DSCAM: variants seen among roughly 807,000 people sequenced by gnomAD.
DSCAM encodes the protein DS cell adhesion molecule, also known as cell adhesion molecule DSCAM.
DSCAM carries 47 observed loss-of-function variants against 217.7 expected under a neutral mutation model. That is an observed-to-expected ratio of 0.22 (90% CI 0.17 to 0.28). The LOEUF (loss-of-function observed/expected upper bound fraction) is 0.28, where lower values mean the gene tolerates loss of function less well. Ranked by LOEUF, DSCAM falls within the 10% of genes least tolerant of loss-of-function variation. The pLI, the probability that DSCAM is intolerant of heterozygous loss-of-function variation, is 1.00. For synonymous variants in DSCAM, 1,056 were observed against 1,015.3 expected (o/e 1.04, Z -0.76); for missense variants, 2,080 against 2,618.3 (o/e 0.79, Z 4.49).
At chr21:40,543,127 T>A (rs558154684) in intron 3 of DSCAM, among the ~76,000 whole-genome samples, 18 of 152,362 alleles carry the variant, frequency 1.2e-4, no homozygotes, top group African/African-American at 4.1e-4. Flanking sequence ...AAAATATGTT[T>A]AAGTATTTAA....
intron 3 of DSCAM, among the ~76,000 whole-genome samples, chr21:40,582,876 C>A (rs926350886): frequency 6.6e-6 from 1 of 152,122 alleles, no homozygotes; most frequent in African/African-American, 2.4e-5. Flanking sequence ...CTAGTGGGAA[C>A]TGTCCTTTGG....
At chr21:40,276,371 C>A in intron 10 of DSCAM, 101 bp from the exon 11 acceptor site, 1 of 1,081,098 alleles carries the variant, frequency 9.2e-7, no homozygotes. Context: ...ATGCTTCACA[C>A]TGATCCCATA....
chr21:40,297,969 G>A (rs2073973519), intron 9 of DSCAM, among the ~76,000 whole-genome samples: 1 of 152,072 alleles, frequency 6.6e-6, no homozygotes, highest in Admixed American at 6.5e-5. Context: ...CTCATTTTAA[G>A]GATTGTTAAG....
chr21:40,119,017 C>G (rs2090003902), intron 20 of DSCAM, among the ~76,000 whole-genome samples: 1 of 152,144 alleles, frequency 6.6e-6, no homozygotes, highest in Non-Finnish European at 1.5e-5. Context: ...AGATTTCTTT[C>G]TCTTTGTCAT....
chr21:40,820,392 TAAGTGG>T (rs1271784949), intron 1 of DSCAM, among the ~76,000 whole-genome samples: 2 of 152,090 alleles, frequency 1.3e-5, no homozygotes, highest in Non-Finnish European at 2.9e-5. Flanking sequence ...TTCTCACTCG[TAAGTGG>T]AAGTTGAACA....
At chr21:40,305,373 G>A (rs1241415189) in intron 9 of DSCAM, among the ~76,000 whole-genome samples, 9 of 132,226 alleles carry the variant, frequency 6.8e-5, no homozygotes, top group Admixed American at 8.1e-5. Context: ...CTGGGTGACA[G>A]AGCAAGATCC....
At position 40,144,635 on chromosome 21, in the gene DSCAM, T is replaced by A. The variant is rs2146718913; in HGVS notation, c.3115A>T (p.Ser1039Cys). 2 of 1,614,078 alleles carry A rather than the reference T, an allele frequency of 1.2e-6. No individual in the cohort carries two copies. The highest frequency in any genetic ancestry group is 1.7e-6 in the Non-Finnish European group (2 of 1,180,030). The stretch of plus-strand genomic sequence containing the variant: ...TCACTGTCCCCGCTGGTGTCGACAC[T>A]GATAATGTTGAATTGGAAGTTACCC... ...TGGNFQFNII[S>C]VDTSGDSEVY... Residue 1039 changes from serine (S) to cysteine (C), a missense_variant, in exon 17 of 33, where the codon AGT becomes TGT. Ser to Cys is a moderately radical substitution (Grantham distance 112). Transcript: ENST00000400454. The surrounding 1 kb of genome is among the most constrained non-coding windows in gnomAD (Gnocchi z 4.8).
intron 11 of DSCAM, among the ~76,000 whole-genome samples, chr21:40,235,771 GA>G (rs926753778): frequency 3.8e-3 from 524 of 138,066 alleles, no homozygotes; most frequent in African/African-American, 0.011. Flanking sequence ...TTCCTTTTCA[GA>G]AAAAAAAAAA....
At chr21:40,060,392 T>C (rs1465735228) in intron 28 of DSCAM, among the ~76,000 whole-genome samples, 1 of 152,166 alleles carries the variant, frequency 6.6e-6, no homozygotes, top group Non-Finnish European at 1.5e-5. Flanking sequence ...ATGTTGAACA[T>C]GTCAGAAAAT....
At chr21:40,309,099 A>C (rs1231362885) in intron 9 of DSCAM, among the ~76,000 whole-genome samples, 1 of 152,154 alleles carries the variant, frequency 6.6e-6, no homozygotes, top group Non-Finnish European at 1.5e-5. Flanking sequence ...ATCCAGTCTT[A>C]AAAATAACTC....
At chr21:40,020,278 A>G (rs1463649663) in intron 32 of DSCAM, among the ~76,000 whole-genome samples, 1 of 152,202 alleles carries the variant, frequency 6.6e-6, no homozygotes, top group African/African-American at 2.4e-5. Context: ...CCCCAGCCAC[A>G]TGGAACTGTG....
chr21:40,181,315 C>A (rs540740459), intron 14 of DSCAM, among the ~76,000 whole-genome samples: 1 of 152,262 alleles, frequency 6.6e-6, no homozygotes, highest in Non-Finnish European at 1.5e-5. Context: ...TCTGTGGGCA[C>A]ATTGGAAACA....
At position 40,764,203 on chromosome 21, in the gene DSCAM, AG is replaced by A. The variant is rs1249161798; in HGVS notation, c.44-55433del. The stretch of plus-strand genomic sequence containing the variant: ...TTTTTGCAATCTACCCATCCGACAA[AG>A]GGCTAATATCCAGGATCTACAGGGA... On this transcript the variant is annotated intron_variant, in intron 1 of 32. Transcript: ENST00000400454. Among the ~76,000 whole-genome samples the A allele has an allele frequency of 3.3e-5, 5 of 152,042 alleles. No individual in the cohort carries two copies. In the East Asian group the frequency reaches 7.8e-4, roughly 24 times the overall value.
chr21:40,454,094 A>T (rs957481331), intron 3 of DSCAM, among the ~76,000 whole-genome samples: 3 of 152,232 alleles, frequency 2.0e-5, no homozygotes, highest in African/African-American at 7.2e-5. Context: ...ATATAAGCCA[A>T]TTAGACAGTC....
chr21:40,817,070 T>C (rs531587306), intron 1 of DSCAM, among the ~76,000 whole-genome samples: 1 of 146,368 alleles, frequency 6.8e-6, no homozygotes, highest in South Asian at 2.2e-4. Context: ...TTTAAAGATA[T>C]GCAGTAAATT....
intron 3 of DSCAM, among the ~76,000 whole-genome samples, chr21:40,595,970 C>G (rs1430287401): frequency 1.3e-5 from 2 of 152,208 alleles, no homozygotes; most frequent in Non-Finnish European, 2.9e-5. Context: ...TGTGTGAGTG[C>G]ATGTGCGTGT....
intron 3 of DSCAM, among the ~76,000 whole-genome samples, chr21:40,380,870 T>C (rs1184131734): frequency 6.6e-6 from 1 of 151,876 alleles, no homozygotes; most frequent in Non-Finnish European, 1.5e-5. Flanking sequence ...GAGACCATCC[T>C]GGCTAACACG....
rs549254310 is a variant in DSCAM, at chr21:40,431,106, A to G, written c.509-61861T>C. Among the ~76,000 whole-genome samples the G allele has an allele frequency of 1.3e-4, 20 of 152,376 alleles. No individual in the cohort carries two copies. The East Asian group carries it at 3.5e-3, about 26-fold the overall frequency. ...ATAGAACAAAAATAGTTATCCTGCC[A>G]CATCTTCATTATCTCTCATTTAAAA... On this transcript the variant is annotated intron_variant, in intron 3 of 32. Coordinates refer to ENST00000400454, the MANE Select transcript of DSCAM (RefSeq NM_001389.5).
At chr21:40,042,265 C>T in intron 32 of DSCAM, 106 bp downstream of exon 32, 3 of 1,183,182 alleles carry the variant, frequency 2.5e-6, no homozygotes, top group South Asian at 3.0e-5. Flanking sequence ...ATAAACAGAG[C>T]ACCCATTTGG....
Sources: allele counts gnomAD v4.1 joint callset (sites outside exome capture counted in the v4.1 genomes callset), GRCh38; gene constraint gnomAD v4.1.1; non-coding constraint Gnocchi (gnomAD v3.1); transcripts MANE v1.5; gene names NCBI Gene and HGNC (gene_info 2026-07-23, HGNC 2026-07-21).